The following RESP18 variants were observed in gnomAD, a reference collection of about 807,000 sequenced individuals.
RESP18 encodes the protein regulated endocrine specific protein 18.
A neutral mutation model predicts 30.0 loss-of-function variants in RESP18; 30 were observed. The observed-to-expected ratio is 1.00, with a 90% CI of 0.75 to 1.36. The LOEUF is 1.36. RESP18 is among the 40% of genes most tolerant of loss of function. The pLI is 0.00. For missense variants in RESP18, 320 were observed against 284.2 expected (o/e 1.13, Z -0.91); for synonymous variants, 117 against 111.2 (o/e 1.05, Z -0.33).
rs762269749 is a variant in RESP18 at position 219,328,938 on chromosome 2, A to G, written c.626T>C (p.Ile209Thr). The change falls in exon 6 of 7, where the codon ATC becomes ACC. Residue 209 changes from isoleucine to threonine, a missense_variant. Transcript: ENST00000333527. ...TCAATACTTACGCATGATCTTATAGATAATTTCTTCCTTAGAGGGTCCCGG... is the reference window on the plus strand; with the variant it reads ...TCAATACTTACGCATGATCTTATAGGTAATTTCTTCCTTAGAGGGTCCCGG... 6.5e-7 allele frequency: 1 copy of G among 1,549,680 alleles called. No homozygotes were observed. The highest frequency in any genetic ancestry group is 8.7e-7 in the Non-Finnish European group (1 of 1,145,080).
rs1952841973 is a variant in RESP18, at chr2:219,332,523, C to T, written c.232+1G>A. 2.6e-6 allele frequency: 4 copies of T among 1,550,122 alleles called. No homozygotes were observed. Among genetic ancestry groups the T allele is most frequent in the Non-Finnish European group, 3.5e-6 (4 of 1,146,562 alleles). ...CCGCACCCCCCAGGGTTCCTCCTGA[C>T]CGTGGGCACTAGTGTCGCTGCAGCC... On this transcript the variant is annotated splice_donor_variant, in intron 2 of 6. Coordinates refer to ENST00000333527, the MANE Select transcript of RESP18 (RefSeq NM_001007089.4). LOFTEE classifies it high-confidence loss of function.
intron 2 of RESP18, among the ~76,000 whole-genome samples, chr2:219,331,639 A>G (rs891661723): frequency 1.3e-5 from 2 of 152,178 alleles, no homozygotes; most frequent in African/African-American, 2.4e-5. Flanking sequence ...AGGAGAAGGG[A>G]AAGAGCTTCG....
At position 219,332,666 on chromosome 2, in the gene RESP18, C is replaced by A. The variant is rs2385404; in HGVS notation, c.90G>T (p.Glu30Asp). Residue 30 changes from glutamate (E) to aspartate (D), a missense_variant, in exon 2 of 7, where the codon GAG (glutamate) becomes GAT (aspartate). By Grantham distance (45) the Glu-to-Asp change is conservative. Coordinates refer to ENST00000333527, the MANE Select transcript of RESP18 (RefSeq NM_001007089.4). Reference sequence around the variant, plus strand: ...CGGCGCGCTCACTCCCCGGCCAAGTCTCAGTGAAGGTAGCGGCCACGGCCG... The same window carrying A: ...CGGCGCGCTCACTCCCCGGCCAAGTATCAGTGAAGGTAGCGGCCACGGCCG... 0.31 allele frequency: 476,559 copies of A among 1,550,624 alleles called. 86,988 individuals are homozygous for A. Among genetic ancestry groups the A allele is most frequent in the African/African-American group, 0.84 (61,497 of 73,078 alleles).
rs774304625 is a variant in RESP18, at chr2:219,329,220, G to A, written c.498C>T (p.Cys166=). 2 of 1,551,580 alleles carry A rather than the reference G, an allele frequency of 1.3e-6. No individual in the cohort carries two copies. Among genetic ancestry groups the A allele is most frequent in the African/African-American group, 2.7e-5 (2 of 73,048 alleles). The change falls in exon 5 of 7, where the codon TGC becomes TGT. Residue 166 remains cysteine, a synonymous_variant. Transcript: ENST00000333527. ...CCTTAGAAACCACTTCGGAGGTAAA[G>A]CACTGATCCCTGTTCACCTTGGCCA...
rs766518517 is a variant in RESP18, at chr2:219,328,965, G to A, written c.599C>T (p.Ala200Val). The A allele has an allele frequency of 5.2e-5, 81 of 1,551,324 alleles. 1 individual carries two copies. Among genetic ancestry groups the A allele is most frequent in the African/African-American group, 3.6e-4 (26 of 73,146 alleles). The change falls in exon 6 of 7, where the codon GCG becomes GTG. Residue 200 changes from alanine to valine, a missense_variant. By Grantham distance (64) the Ala-to-Val change is moderately conservative. Coordinates refer to ENST00000333527, the MANE Select transcript of RESP18 (RefSeq NM_001007089.4). The stretch of plus-strand genomic sequence containing the variant: ...AATTTCTTCCTTAGAGGGTCCCGGC[G>A]CCTGCATCATGTCCAGCCCCCCATA...
Position 219,330,889 on chromosome 2 carries a change from A to G in RESP18, c.233-14T>C. The stretch of plus-strand genomic sequence containing the variant: ...GGTCCTGACCATCTAAGGGCAAAAT[A>G]GTGGTGTCAGCAAGGAACCTGGCCA... On this transcript the variant is annotated splice_polypyrimidine_tract_variant and intron_variant, in intron 2 of 6. Coordinates refer to ENST00000333527, the MANE Select transcript of RESP18 (RefSeq NM_001007089.4). 6.7e-7 allele frequency: 1 copy of G among 1,499,868 alleles called. No homozygotes were observed. The highest frequency in any genetic ancestry group is 9.1e-7 in the Non-Finnish European group (1 of 1,099,696). The allele number at this position is 1,499,868 out of a possible 1,614,324, so 92.9% of individuals were successfully genotyped here.
At position 219,327,494 on chromosome 2, in the gene RESP18, G is replaced by A. The variant is rs1952786015; in HGVS notation, c.*23C>T. On this transcript the variant is annotated 3_prime_UTR_variant, in exon 7 of 7. Coordinates refer to ENST00000333527, the MANE Select transcript of RESP18 (RefSeq NM_001007089.4). ...GGCAATGGGAAGGGTGCTGGGGCAG[G>A]GAGGCTTCACATGAGGTCTCAATCA... The A allele has an allele frequency of 6.5e-7, 1 of 1,549,746 alleles. No homozygotes were observed. Among genetic ancestry groups the A allele is most frequent in the East Asian group, 2.4e-5 (1 of 40,926 alleles).
chr2:219,332,408 G>A lies in RESP18; in HGVS notation c.232+116C>T, dbSNP rs535827602. ...GCTGTCTACCTTTTTCTCTTCTCAC[G>A]TCCTTAAGCACATTCTTTTACTTCC... On this transcript the variant is annotated intron_variant, in intron 2 of 6. Coordinates refer to ENST00000333527, the MANE Select transcript of RESP18 (RefSeq NM_001007089.4). 69 of 737,004 alleles carry A rather than the reference G, an allele frequency of 9.4e-5. No individual in the cohort carries two copies. The African/African-American group carries it at 1.1e-3, about 12-fold the overall frequency. 45.7% of individuals were successfully genotyped at this position (737,004 alleles called of 1,614,324 possible).
intron 4 of RESP18, 30 bp from the exon 4 acceptor site, chr2:219,329,282 G>A (rs1362603642): frequency 6.4e-7 from 1 of 1,551,552 alleles, no homozygotes; most frequent in Non-Finnish European, 8.7e-7. Context: ...GAGTCAAGGA[G>A]GAGGCAGAAA....
At chr2:219,332,814 C>T in intron 1 of RESP18, 70 bp from the exon 1 acceptor site, 1 of 1,147,530 alleles carries the variant, frequency 8.7e-7, no homozygotes, top group South Asian at 1.6e-5. Flanking sequence ...AGCTCCTTCC[C>T]CTACCGCCTC....
Position 219,329,725 on chromosome 2 carries a change from A to C in RESP18, c.377T>G (p.Ile126Ser). 1 of 1,551,610 alleles carries C rather than the reference A, an allele frequency of 6.4e-7. No individual in the cohort carries two copies. Among genetic ancestry groups the C allele is most frequent in the Non-Finnish European group, 8.7e-7 (1 of 1,146,986 alleles). ...TCTGCTGGCATGCTCCATCTTTTGG[A>C]TCATTGCATCCTGGGTGATGTCATC... The change falls in exon 4 of 7, where the codon ATC becomes AGC. Residue 126 changes from isoleucine to serine, a missense_variant. Coordinates refer to ENST00000333527, the MANE Select transcript of RESP18 (RefSeq NM_001007089.4).
chr2:219,329,448 A>T (rs776741090), intron 4 of RESP18, 189 bp downstream of exon 3: 1 of 1,550,820 alleles, frequency 6.4e-7, no homozygotes, highest in Non-Finnish European at 8.7e-7. Context: ...GGCTTGCCAC[A>T]CCCACCTCCC....
intron 1 of RESP18, chr2:219,333,081 T>G: frequency 8.4e-7 from 1 of 1,195,822 alleles, no homozygotes; most frequent in Non-Finnish European, 1.1e-6. Flanking sequence ...CCTTTAGAAA[T>G]CATATAGGTT....
chr2:219,329,250 GC>G lies in RESP18; in HGVS notation c.467del (p.Ser156ThrfsTer6). 6.4e-7 allele frequency: 1 copy of G among 1,551,696 alleles called. No individual in the cohort carries two copies. The highest frequency in any genetic ancestry group is 2.4e-5 in the East Asian group (1 of 40,920). On this transcript the variant is annotated frameshift_variant and splice_region_variant, in exon 5 of 7. Coordinates refer to ENST00000333527, the MANE Select transcript of RESP18 (RefSeq NM_001007089.4). LOFTEE classifies it high-confidence loss of function. Reference sequence around the variant, plus strand: ...GATCCCTGTTCACCTTGGCCAGGGGGCTCTGTGAGGAGGGAAACCAGGAGTC... The same window carrying G: ...GATCCCTGTTCACCTTGGCCAGGGGGTCTGTGAGGAGGGAAACCAGGAGTC...
At chr2:219,332,792 G>C in intron 1 of RESP18, 48 bp from the exon 1 acceptor site, 1 of 1,390,702 alleles carries the variant, frequency 7.2e-7, no homozygotes, top group Middle Eastern at 1.8e-4. Context: ...CTGCCCCTGC[G>C]GTCGCCTCCC....
chr2:219,329,245 AG>A lies in RESP18; in HGVS notation c.472del (p.Leu158TrpfsTer4). ...GCACTGATCCCTGTTCACCTTGGCCAGGGGGCTCTGTGAGGAGGGAAACCAG... is the reference window on the plus strand; with the variant it reads ...GCACTGATCCCTGTTCACCTTGGCCAGGGGCTCTGTGAGGAGGGAAACCAG... On this transcript the variant is annotated frameshift_variant, in exon 5 of 7. Coordinates refer to ENST00000333527, the MANE Select transcript of RESP18 (RefSeq NM_001007089.4). LOFTEE classifies it high-confidence loss of function. 1 of 1,551,686 alleles carries A rather than the reference AG, an allele frequency of 6.4e-7. No homozygotes were observed.
chr2:219,332,383 GCTGT>G (rs1248054178), intron 2 of RESP18, 137 bp downstream of exon 1: 10 of 653,128 alleles, frequency 1.5e-5, no homozygotes, highest in East Asian at 1.1e-4. Flanking sequence ...TCCGCTAGAC[GCTGT>G]CTACCTTTTT....
chr2:219,328,961 C>A lies in RESP18; in HGVS notation c.603G>T (p.Pro201=). The A allele has an allele frequency of 6.4e-7, 1 of 1,551,314 alleles. No homozygotes were observed. Among genetic ancestry groups the A allele is most frequent in the Non-Finnish European group, 8.7e-7 (1 of 1,146,544 alleles). ...AGATAATTTCTTCCTTAGAGGGTCC[C>A]GGCGCCTGCATCATGTCCAGCCCCC... Residue 201 remains proline (P), a synonymous_variant, in exon 6 of 7, where the codon CCG becomes CCT. Transcript: ENST00000333527.
intron 1 of RESP18, 72 bp from the exon 1 acceptor site, chr2:219,332,816 T>A (rs1952846846): frequency 6.1e-6 from 7 of 1,141,144 alleles, no homozygotes; most frequent in African/African-American, 1.6e-5. Context: ...CTCCTTCCCC[T>A]ACCGCCTCCC....
Sources: allele counts gnomAD v4.1 joint callset (sites outside exome capture counted in the v4.1 genomes callset), GRCh38; gene constraint gnomAD v4.1.1; transcripts MANE v1.5; gene names NCBI Gene and HGNC (gene_info 2026-07-23, HGNC 2026-07-21).